The following STK3 variants were observed in gnomAD, a reference collection of about 807,000 sequenced individuals.
STK3 encodes the protein serine/threonine kinase 3.
In STK3, 41 loss-of-function variants were observed where a neutral mutation model predicts 58.0. The observed-to-expected ratio is 0.71, with a 90% CI of 0.55 to 0.92. STK3 has a LOEUF of 0.92. Ranked by LOEUF, STK3 falls within the 40% of genes least tolerant of loss-of-function variation. STK3 has a pLI of 0.00. For missense variants in STK3, 479 were observed against 602.7 expected (o/e 0.79, Z 2.15); for synonymous variants, 170 against 191.0 (o/e 0.89, Z 0.91).
intron 8 of STK3, among the ~76,000 whole-genome samples, chr8:98,570,310 ATTT>A (rs956865019): frequency 6.9e-6 from 1 of 144,808 alleles, no homozygotes; most frequent in African/African-American, 2.5e-5. Flanking sequence ...GTGTTTTTTA[ATTT>A]TTTTTTTTGT....
chr8:98,548,617 A>T (rs529772795), intron 8 of STK3, among the ~76,000 whole-genome samples: 5 of 152,268 alleles, frequency 3.3e-5, no homozygotes, highest in East Asian at 3.9e-4. Flanking sequence ...CATATATATA[A>T]AATTCACCAT....
At chr8:98,630,736 GAGA>G (rs764946686) in intron 6 of STK3, among the ~76,000 whole-genome samples, 49 of 150,454 alleles carry the variant, frequency 3.3e-4, no homozygotes, top group Non-Finnish European at 5.9e-4. Context: ...GGAGAAGAAG[GAGA>G]AGAAGGATAA....
chr8:98,453,084 T>TG (rs1286848929), downstream of STK3, among the ~76,000 whole-genome samples: 5 of 74,208 alleles, frequency 6.7e-5, 1 homozygote, highest in Non-Finnish European at 8.4e-5. Flanking sequence ...TTTCTTGTTT[T>TG]TTTTTTTTTT....
At chr8:98,384,298 C>A (rs1223762444) in intron 1 of STK3, among the ~76,000 whole-genome samples, 1 of 152,234 alleles carries the variant, frequency 6.6e-6, no homozygotes, top group Non-Finnish European at 1.5e-5. Context: ...CTAATAAAAA[C>A]CCTAAAGACC....
At chr8:98,608,098 G>A (rs1816910590) in intron 6 of STK3, among the ~76,000 whole-genome samples, 1 of 152,062 alleles carries the variant, frequency 6.6e-6, no homozygotes, top group African/African-American at 2.4e-5. Flanking sequence ...GAATTTTGGT[G>A]TAGTATGAAA....
At chr8:98,443,644 T>C (rs1818783231) in intron 1 of STK3, among the ~76,000 whole-genome samples, 1 of 152,108 alleles carries the variant, frequency 6.6e-6, no homozygotes, top group African/African-American at 2.4e-5. Context: ...GGTCAGGAGT[T>C]TGAGACCAGC....
At chr8:98,857,272 G>T (rs1479850082) in intron 3 of STK3, among the ~76,000 whole-genome samples, 1 of 152,136 alleles carries the variant, frequency 6.6e-6, no homozygotes, top group African/African-American at 2.4e-5. Context: ...TCCACCCAAG[G>T]GTTGTATTTG....
chr8:98,488,503 TAG>T (rs1822445070), intron 10 of STK3, among the ~76,000 whole-genome samples: 1 of 152,158 alleles, frequency 6.6e-6, no homozygotes, highest in Non-Finnish European at 1.5e-5. Context: ...AGAGAAAATC[TAG>T]AGTTTATTCT....
At chr8:98,711,725 G>A (rs936313117) in intron 4 of STK3, among the ~76,000 whole-genome samples, 1 of 152,196 alleles carries the variant, frequency 6.6e-6, no homozygotes, top group Non-Finnish European at 1.5e-5. Context: ...ATATCATCCA[G>A]GAGAACTTCC....
chr8:98,695,749 C>T (rs1353283097), intron 6 of STK3, among the ~76,000 whole-genome samples: 1 of 152,036 alleles, frequency 6.6e-6, no homozygotes, highest in African/African-American at 2.4e-5. Flanking sequence ...GGTACCAGTA[C>T]CATGCTGTTT....
intron 6 of STK3, among the ~76,000 whole-genome samples, chr8:98,676,296 C>A (rs1823203189): frequency 6.6e-6 from 1 of 152,182 alleles, no homozygotes; most frequent in South Asian, 2.1e-4. Flanking sequence ...GGTGATGTTG[C>A]AGAGTAATAC....
intron 4 of STK3, among the ~76,000 whole-genome samples, chr8:98,717,527 G>A (rs1359987321): frequency 6.6e-6 from 1 of 152,086 alleles, no homozygotes; most frequent in Non-Finnish European, 1.5e-5. Context: ...AACAAATGTT[G>A]GCAAAGAAGT....
At position 98,903,544 on chromosome 8, in the gene STK3, CTTCTTCTTCTTCCTTT is replaced by C. The variant is rs1468515534; in HGVS notation, c.-78-19726_-78-19711del. 9.3e-3 allele frequency among the ~76,000 whole-genome samples: 236 copies of C among 25,356 alleles called. 11 individuals are homozygous for C. The highest frequency in any genetic ancestry group is 0.04 in the African/African-American group (200 of 5,032). 16.6% of individuals were successfully genotyped at this position (25,356 alleles called of 152,430 possible). ...TCTTCTTCTTCTTCTTCTTCTTCTT[CTTCTTCTTCTTCCTTT>C]TTTTTTTTTTAAGTGGGGCCTTGCT... On this transcript the variant is annotated intron_variant, in intron 1 of 1. Coordinates refer to the STK3 transcript ENST00000519420.
intron 6 of STK3, among the ~76,000 whole-genome samples, chr8:98,704,734 A>C (rs1331933511): frequency 6.6e-6 from 1 of 152,248 alleles, no homozygotes; most frequent in African/African-American, 2.4e-5. Context: ...CACATATTAC[A>C]ATTCTCTGCT....
intron 1 of STK3, among the ~76,000 whole-genome samples, chr8:98,819,399 C>CG (rs1226417966): frequency 1.3e-5 from 2 of 151,996 alleles, no homozygotes; most frequent in Non-Finnish European, 2.9e-5. Flanking sequence ...GTTTGTTTAC[C>CG]GGAAGTATTG....
Position 98,800,039 on chromosome 8 carries a change from G to A in STK3, c.27-25220C>T, listed in dbSNP as rs1385030410. Among the ~76,000 whole-genome samples the A allele has an allele frequency of 2.0e-5, 3 of 151,928 alleles. No homozygotes were observed. The highest frequency in any genetic ancestry group is 6.6e-5 in the Admixed American group (1 of 15,260). On this transcript the variant is annotated intron_variant, in intron 1 of 10. Transcript: ENST00000419617. The surrounding 1 kb of genome is among the most constrained non-coding windows in gnomAD (Gnocchi z 4.8). ...CAGGAAAAGGCTTCTGAAATCAGAC[G>A]CCTTTCAAATTCTTATACCAACCTC...
chr8:98,667,849 T>G (rs1484627317), intron 6 of STK3, among the ~76,000 whole-genome samples: 1 of 152,058 alleles, frequency 6.6e-6, no homozygotes, highest in African/African-American at 2.4e-5. Flanking sequence ...AATCCATTAA[T>G]TTTTGTGTCT....
intron 7 of STK3, among the ~76,000 whole-genome samples, chr8:98,585,820 TA>T (rs1167714768): frequency 6.6e-6 from 1 of 152,026 alleles, no homozygotes; most frequent in Admixed American, 6.5e-5. Context: ...ACATCCCTTG[TA>T]AGTTGGATTC....
the STK3 span, among the ~76,000 whole-genome samples, chr8:98,356,408 T>C: frequency 2.0e-5 from 3 of 152,194 alleles, no homozygotes; most frequent in Admixed American, 1.3e-4. Flanking sequence ...GTCTCTTAGC[T>C]GACGCTCAGC....
Sources: allele counts gnomAD v4.1 joint callset (sites outside exome capture counted in the v4.1 genomes callset), GRCh38; gene constraint gnomAD v4.1.1; non-coding constraint Gnocchi (gnomAD v3.1); transcripts MANE v1.5; gene names NCBI Gene and HGNC (gene_info 2026-07-23, HGNC 2026-07-21).